FOCAD: variants seen among roughly 807,000 people sequenced by gnomAD.
FOCAD encodes the protein focadhesin, also known as KIAA1797.
In FOCAD, 198 loss-of-function variants were observed where a neutral mutation model predicts 225.6. The observed-to-expected ratio is 0.88, with a 90% CI of 0.78 to 0.99. FOCAD has a LOEUF of 0.99. Ranked by LOEUF, FOCAD falls within the 50% of genes least tolerant of loss-of-function variation. The pLI is 0.00. For synonymous variants in FOCAD, 897 were observed against 755.0 expected, an observed-to-expected ratio of 1.19 and a Z score of -3.08; for missense variants, 2,713 against 2,123.6, an observed-to-expected ratio of 1.28 and a Z score of -5.46.
intron 2 of FOCAD, among the ~76,000 whole-genome samples, chr9:20,670,665 G>A (rs1321411962): frequency 6.6e-6 from 1 of 152,166 alleles, no homozygotes; most frequent in Non-Finnish European, 1.5e-5. Context: ...ATGACCATTT[G>A]AGATGAGCTT....
chr9:20,954,350 G>C (rs1308783789), intron 35 of FOCAD, among the ~76,000 whole-genome samples: 4 of 152,058 alleles, frequency 2.6e-5, no homozygotes, highest in Non-Finnish European at 4.4e-5. Context: ...CTAGTGCTAG[G>C]AATACATATA....
At chr9:20,908,136 A>G (rs1401033785) in intron 22 of FOCAD, among the ~76,000 whole-genome samples, 2 of 152,146 alleles carry the variant, frequency 1.3e-5, no homozygotes, top group Admixed American at 1.3e-4. Flanking sequence ...CAATACAAGA[A>G]AACAACTAGC....
intron 2 of FOCAD, among the ~76,000 whole-genome samples, chr9:20,678,672 T>C (rs1822308146): frequency 6.6e-6 from 1 of 152,156 alleles, no homozygotes; most frequent in South Asian, 2.1e-4. Flanking sequence ...GAAGTGAAGA[T>C]AGTAATTCCC....
intron 19 of FOCAD, among the ~76,000 whole-genome samples, chr9:20,878,567 C>T (rs550927620): frequency 2.0e-5 from 3 of 152,178 alleles, no homozygotes; most frequent in Non-Finnish European, 4.4e-5. Flanking sequence ...CTCTTCCACT[C>T]TGTTGTAAGG....
intron 1 of FOCAD, among the ~76,000 whole-genome samples, chr9:20,686,390 C>T (rs1822669896): frequency 6.6e-6 from 1 of 152,138 alleles, no homozygotes; most frequent in South Asian, 2.1e-4. Context: ...ATCCTGACCT[C>T]AAGTGATCCC....
At chr9:20,662,040 A>G (rs1435755997) in intron 2 of FOCAD, among the ~76,000 whole-genome samples, 1 of 152,240 alleles carries the variant, frequency 6.6e-6, no homozygotes, top group Non-Finnish European at 1.5e-5. Context: ...GGAATTATGA[A>G]TATGTATGAT....
intron 39 of FOCAD, among the ~76,000 whole-genome samples, chr9:20,982,826 A>G (rs977478117): frequency 1.3e-5 from 2 of 152,254 alleles, no homozygotes; most frequent in African/African-American, 4.8e-5. Context: ...AAAGTAGCAT[A>G]TCAGTAAAGT....
At chr9:20,699,259 G>T (rs1414536668) in intron 1 of FOCAD, among the ~76,000 whole-genome samples, 1 of 152,154 alleles carries the variant, frequency 6.6e-6, no homozygotes, top group African/African-American at 2.4e-5. Context: ...CTGAAAGGCA[G>T]AAGTAGTCTT....
At chr9:20,945,643 G>A (rs886839793) in intron 29 of FOCAD, among the ~76,000 whole-genome samples, 11 of 152,062 alleles carry the variant, frequency 7.2e-5, no homozygotes, top group Non-Finnish European at 1.3e-4. Flanking sequence ...TTTAAAGTAC[G>A]TATTTTTTTT....
chr9:20,695,889 G>A (rs2131371874), intron 1 of FOCAD, among the ~76,000 whole-genome samples: 1 of 152,312 alleles, frequency 6.6e-6, no homozygotes, highest in African/African-American at 2.4e-5. Context: ...CATTTGTTGT[G>A]TATAGTCAAG....
intron 10 of FOCAD, among the ~76,000 whole-genome samples, chr9:20,783,777 CTTCCTCCTTG>C: frequency 6.6e-6 from 1 of 152,238 alleles, no homozygotes; most frequent in African/African-American, 2.4e-5. Flanking sequence ...AAACATTCTG[CTTCCTCCTTG>C]TTCTCCTCCA....
At chr9:20,721,747 T>G (rs1329209113) in intron 4 of FOCAD, among the ~76,000 whole-genome samples, 2 of 152,108 alleles carry the variant, frequency 1.3e-5, no homozygotes, top group Non-Finnish European at 2.9e-5. Flanking sequence ...GGCTTGAAGT[T>G]GATTAGGTTA....
intron 15 of FOCAD, among the ~76,000 whole-genome samples, chr9:20,843,124 G>T (rs1021900717): frequency 2.0e-5 from 3 of 151,906 alleles, no homozygotes; most frequent in Non-Finnish European, 4.4e-5. Context: ...TTCTACTCAA[G>T]ATATGAGTAG....
At chr9:20,797,548 G>T (rs901984267) in intron 11 of FOCAD, among the ~76,000 whole-genome samples, 1 of 152,038 alleles carries the variant, frequency 6.6e-6, no homozygotes. Context: ...TTGTAAGTTG[G>T]ATTCCTAGGT....
chr9:20,677,442 G>T (rs1311658508), intron 2 of FOCAD, among the ~76,000 whole-genome samples: 1 of 152,126 alleles, frequency 6.6e-6, no homozygotes, highest in African/African-American at 2.4e-5. Flanking sequence ...CTTACAGAAT[G>T]AGAGAAATAT....
upstream of FOCAD, among the ~76,000 whole-genome samples, chr9:20,656,036 C>G (rs963484610): frequency 6.6e-6 from 1 of 151,316 alleles, no homozygotes; most frequent in Non-Finnish European, 1.5e-5. Flanking sequence ...TGTTATGTAC[C>G]CAGTAGTCAT....
intron 4 of FOCAD, among the ~76,000 whole-genome samples, chr9:20,733,495 A>G (rs1463351516): frequency 6.6e-6 from 1 of 152,012 alleles, no homozygotes; most frequent in Non-Finnish European, 1.5e-5. Flanking sequence ...TCCTAATGCT[A>G]TCCCTCCCCA....
intron 5 of FOCAD, among the ~76,000 whole-genome samples, chr9:20,753,848 T>C (rs1420537815): frequency 6.6e-6 from 1 of 152,180 alleles, no homozygotes; most frequent in African/African-American, 2.4e-5. Context: ...TCAAAACTTG[T>C]ATAGGTTATT....
intron 5 of FOCAD, among the ~76,000 whole-genome samples, chr9:20,752,767 G>A (rs866066327): frequency 5.9e-5 from 9 of 152,224 alleles, no homozygotes; most frequent in Middle Eastern, 3.4e-3. Flanking sequence ...CCATTTTCAC[G>A]ATATTGATTC....
Sources: gnomAD v4.1 joint callset for allele counts (sites outside exome capture counted in the v4.1 genomes callset) on GRCh38, gnomAD v4.1.1 for gene constraint, MANE v1.5 for transcripts, NCBI Gene and HGNC (gene_info 2026-07-23, HGNC 2026-07-21) for gene names.